Variants in KDM2A observed in about 807,000 individuals in gnomAD.
The protein encoded by KDM2A is lysine demethylase 2A.
A neutral mutation model predicts 137.3 loss-of-function variants in KDM2A; 3 were observed. That is an observed-to-expected ratio of 0.02 (90% confidence interval 0.01 to 0.06). The LOEUF (loss-of-function observed/expected upper bound fraction) is 0.06. Among genes scored for constraint, KDM2A ranks in the 10% least tolerant of loss-of-function variants. The pLI is 1.00. For missense variants in KDM2A, 738 were observed against 1,510.6 expected, an observed-to-expected ratio of 0.49 and a Z score of 8.48; for synonymous variants, 512 against 541.5, an observed-to-expected ratio of 0.95 and a Z score of 0.76.
intron 2 of KDM2A, among the ~76,000 whole-genome samples, chr11:67,123,104 G>A (rs1184099076): frequency 6.6e-6 from 1 of 151,940 alleles, no homozygotes; most frequent in African/African-American, 2.4e-5. Context: ...TGAGTAGCTG[G>A]GACTACAGGC....
chr11:67,214,387 G>A (rs1295841729), intron 6 of KDM2A, among the ~76,000 whole-genome samples: 9 of 152,058 alleles, frequency 5.9e-5, no homozygotes, highest in African/African-American at 1.9e-4. Flanking sequence ...TGTATTTTTA[G>A]TAGAGATGGG....
At chr11:67,164,700 A>T (rs1856702690) in intron 2 of KDM2A, among the ~76,000 whole-genome samples, 1 of 151,654 alleles carries the variant, frequency 6.6e-6, no homozygotes, top group Non-Finnish European at 1.5e-5. Flanking sequence ...GGCTCACGGC[A>T]ACCTCCACCT....
chr11:67,214,774 T>G (rs898156918), intron 6 of KDM2A, among the ~76,000 whole-genome samples: 1 of 152,246 alleles, frequency 6.6e-6, no homozygotes, highest in South Asian at 2.1e-4. Flanking sequence ...GCCTGGTCTA[T>G]CTTAGTTTTA....
chr11:67,210,817 T>C (rs1857955351), intron 6 of KDM2A, among the ~76,000 whole-genome samples: 1 of 152,188 alleles, frequency 6.6e-6, no homozygotes, highest in Non-Finnish European at 1.5e-5. Context: ...ATCTTAATAA[T>C]GGAAAAGTAT....
chr11:67,257,160 G>T lies in KDM2A; in HGVS notation c.*2105G>T, dbSNP rs187591467. On this transcript the variant is annotated 3_prime_UTR_variant, in exon 21 of 21. Transcript: ENST00000529006. ...ACCCCTTCAGAGCAGGGATTGTGCCGGGAGAGTGCCTCTGACTTTGGGACA... is the reference window on the plus strand; with the variant it reads ...ACCCCTTCAGAGCAGGGATTGTGCCTGGAGAGTGCCTCTGACTTTGGGACA... 2 of 152,226 alleles carry T rather than the reference G, an allele frequency of 1.3e-5. No homozygotes were observed. Among genetic ancestry groups the T allele is most frequent in the Non-Finnish European group, 2.9e-5 (2 of 68,030 alleles). 9.4% of individuals were successfully genotyped at this position (152,226 alleles called of 1,614,324 possible). A position where few individuals can be genotyped will look rare whatever the true frequency, so the allele number is the denominator to read the frequency against.
chr11:67,180,206 T>A lies in KDM2A; in HGVS notation c.170T>A (p.Met57Lys). Residue 57 changes from methionine (M) to lysine (K), a missense_variant, in exon 3 of 21, where the codon ATG becomes AAG. Around this residue, in one of 9 missense-constraint regions of KDM2A, gnomAD observed 74 missense variants for 181.8 expected, o/e 0.41. Coordinates refer to ENST00000529006, the MANE Select transcript of KDM2A (RefSeq NM_012308.3). ...TATAATGCCAATTTTGTTACTTTTA[T>A]GGAAGGAAAAGGTCAGTATTGTTTT... The part of the protein sequence containing the change: ...NKYNANFVTF[M>K]EGKDFNVEYI... The A allele has an allele frequency of 6.2e-7, 1 of 1,613,760 alleles. No homozygotes were observed. Among genetic ancestry groups the A allele is most frequent in the Non-Finnish European group, 8.5e-7 (1 of 1,179,778 alleles).
At chr11:67,158,576 A>G (rs999760224) in intron 2 of KDM2A, among the ~76,000 whole-genome samples, 2 of 152,112 alleles carry the variant, frequency 1.3e-5, no homozygotes, top group African/African-American at 4.8e-5. Flanking sequence ...TTGGTGTTGT[A>G]TTTTCAATTT....
At chr11:67,221,335 AGT>A (rs1368286464) in intron 10 of KDM2A, among the ~76,000 whole-genome samples, 2 of 152,220 alleles carry the variant, frequency 1.3e-5, no homozygotes, top group African/African-American at 4.8e-5. Flanking sequence ...TGCAGAGAAG[AGT>A]GTAGAACTAT....
chr11:67,124,386 A>C (rs1024409800), intron 2 of KDM2A, among the ~76,000 whole-genome samples: 3 of 152,028 alleles, frequency 2.0e-5, no homozygotes, highest in African/African-American at 7.3e-5. Context: ...ATCTTGGCTC[A>C]CTGCAACCTC....
chr11:67,247,110 A>G (rs1339878866), intron 15 of KDM2A, among the ~76,000 whole-genome samples: 1 of 57,598 alleles, frequency 1.7e-5, no homozygotes, highest in African/African-American at 6.7e-5. Context: ...TTTTTTGGAG[A>G]CAGAGTCTTG....
At chr11:67,142,664 A>G (rs1002579955) in intron 2 of KDM2A, among the ~76,000 whole-genome samples, 1 of 151,538 alleles carries the variant, frequency 6.6e-6, no homozygotes, top group Admixed American at 6.6e-5. Context: ...AGATTGCACC[A>G]TCGCACTCCA....
intron 5 of KDM2A, among the ~76,000 whole-genome samples, chr11:67,197,778 G>C (rs1260767492): frequency 6.6e-6 from 1 of 152,152 alleles, no homozygotes; most frequent in African/African-American, 2.4e-5. Flanking sequence ...GAAGTGCTTA[G>C]AACAGTGTCT....
At chr11:67,183,688 T>C (rs972910293) in intron 5 of KDM2A, among the ~76,000 whole-genome samples, 22 of 152,326 alleles carry the variant, frequency 1.4e-4, no homozygotes, top group Non-Finnish European at 1.6e-4. Context: ...GCTGTGCATA[T>C]GTTTCCCCGA....
intron 16 of KDM2A, among the ~76,000 whole-genome samples, chr11:67,249,658 G>A (rs1471851422): frequency 6.6e-6 from 1 of 152,166 alleles, no homozygotes; most frequent in Non-Finnish European, 1.5e-5. Flanking sequence ...TTATTCACGT[G>A]GGGGTTGGAG....
chr11:67,186,965 A>G (rs754821451), intron 5 of KDM2A, among the ~76,000 whole-genome samples: 20 of 152,226 alleles, frequency 1.3e-4, no homozygotes, highest in Non-Finnish European at 2.6e-4. Flanking sequence ...CTAATAACTA[A>G]TAGGGGCACA....
At chr11:67,244,226 T>C (rs1859136174) in intron 13 of KDM2A, among the ~76,000 whole-genome samples, 1 of 152,190 alleles carries the variant, frequency 6.6e-6, no homozygotes, top group Non-Finnish European at 1.5e-5. Flanking sequence ...GTTTAAGATA[T>C]GGTAAGAAAT....
At chr11:67,155,911 T>G in intron 2 of KDM2A, among the ~76,000 whole-genome samples, 1 of 126,146 alleles carries the variant, frequency 7.9e-6, no homozygotes, top group South Asian at 3.0e-4. Flanking sequence ...CCACTGCGCC[T>G]GGCCGGTTTT....
chr11:67,120,217 C>T (rs763742174), intron 1 of KDM2A, among the ~76,000 whole-genome samples, 168 bp downstream of exon 1: 1 of 152,258 alleles, frequency 6.6e-6, no homozygotes. Flanking sequence ...CTGGCTGCTC[C>T]ATGCCCAGGC....
intron 2 of KDM2A, among the ~76,000 whole-genome samples, chr11:67,161,870 A>T (rs1856646733): frequency 6.6e-6 from 1 of 152,190 alleles, no homozygotes; most frequent in Non-Finnish European, 1.5e-5. Context: ...GACTAAGGGA[A>T]TGTATATTTG....
Sources: gnomAD v4.1 joint callset for allele counts (sites outside exome capture counted in the v4.1 genomes callset) on GRCh38, gnomAD v4.1.1 for gene constraint, gnomAD v4.1.1 regional missense constraint, MANE v1.5 for transcripts, NCBI Gene and HGNC (gene_info 2026-07-23, HGNC 2026-07-21) for gene names.